RASAL2: variants seen among roughly 807,000 people sequenced by gnomAD.
RASAL2 encodes the protein ras GTPase-activating protein nGAP.
RASAL2 carries 58 observed loss-of-function variants against 128.9 expected under a neutral mutation model. The observed-to-expected ratio is 0.45, with a 90% confidence interval of 0.36 to 0.56. The LOEUF is 0.56. Among genes scored for constraint, RASAL2 ranks in the 20% least tolerant of loss-of-function variants. The probability of loss-of-function intolerance (pLI) is 0.00; values close to 1 mark genes in which losing one functional copy is unlikely to be tolerated. For synonymous variants in RASAL2, 561 were observed against 580.8 expected, an observed-to-expected ratio of 0.97 and a Z score of 0.49; for missense variants, 1,360 against 1,601.6, an observed-to-expected ratio of 0.85 and a Z score of 2.57.
intron 4 of RASAL2, among the ~76,000 whole-genome samples, chr1:178,390,569 G>A (rs1672844191): frequency 6.6e-6 from 1 of 151,964 alleles, no homozygotes; most frequent in Admixed American, 6.6e-5. Flanking sequence ...AGTAGAGGCG[G>A]GGTTTTACCA....
chr1:178,269,439 A>G (rs1367376438), intron 1 of RASAL2, among the ~76,000 whole-genome samples: 2 of 152,252 alleles, frequency 1.3e-5, no homozygotes, highest in African/African-American at 4.8e-5. Context: ...AACTGGGTAC[A>G]GTGAGGCTGA....
At chr1:178,412,962 TTTTCTTTCTTTC>T (rs557060349) in intron 4 of RASAL2, among the ~76,000 whole-genome samples, 1 of 151,974 alleles carries the variant, frequency 6.6e-6, no homozygotes, top group South Asian at 2.1e-4. Context: ...TTCTCTTTCT[TTTTCTTTCTTTC>T]TTTCTTTCTT....
At chr1:178,145,669 A>T (rs1660709866) in intron 1 of RASAL2, among the ~76,000 whole-genome samples, 1 of 152,214 alleles carries the variant, frequency 6.6e-6, no homozygotes, top group East Asian at 1.9e-4. Context: ...GACTGGAGAC[A>T]GGTAGGAACG....
chr1:178,240,494 T>C (rs1478086925), intron 1 of RASAL2, among the ~76,000 whole-genome samples: 1 of 151,988 alleles, frequency 6.6e-6, no homozygotes, highest in Non-Finnish European at 1.5e-5. Flanking sequence ...TTAGACTTTA[T>C]TTTAAATACA....
At chr1:178,382,056 A>G (rs1485516554) in intron 3 of RASAL2, among the ~76,000 whole-genome samples, 1 of 152,200 alleles carries the variant, frequency 6.6e-6, no homozygotes, top group Non-Finnish European at 1.5e-5. Context: ...CAAAACCTAA[A>G]ATATTAATGC....
At chr1:178,224,475 T>C (rs1333418404) in intron 1 of RASAL2, among the ~76,000 whole-genome samples, 1 of 152,144 alleles carries the variant, frequency 6.6e-6, no homozygotes, top group South Asian at 2.1e-4. Context: ...GGGAAGCATA[T>C]GTGCTCCAGT....
intron 3 of RASAL2, among the ~76,000 whole-genome samples, chr1:178,366,019 A>G (rs1671381154): frequency 6.6e-6 from 1 of 152,198 alleles, no homozygotes; most frequent in African/African-American, 2.4e-5. Flanking sequence ...ATAGTAGATT[A>G]TTCATGGAGT....
intron 1 of RASAL2, among the ~76,000 whole-genome samples, chr1:178,109,182 T>C (rs752518250): frequency 1.2e-4 from 18 of 152,350 alleles, no homozygotes; most frequent in Non-Finnish European, 2.4e-4. Flanking sequence ...GAATTCACTT[T>C]CACAGAAGCA....
intron 1 of RASAL2, among the ~76,000 whole-genome samples, chr1:178,131,042 G>A (rs1351837440): frequency 6.7e-6 from 1 of 148,840 alleles, no homozygotes; most frequent in African/African-American, 2.5e-5. Flanking sequence ...GTGAAAGAGC[G>A]AGACTCTGTC....
intron 1 of RASAL2, among the ~76,000 whole-genome samples, chr1:178,210,582 C>T (rs12047029): frequency 0.26 from 39,859 of 152,098 alleles, 5,923 homozygotes; most frequent in African/African-American, 0.41. Flanking sequence ...TCCTACTTTG[C>T]GGGAATGTTG....
chr1:178,163,899 A>G (rs1409697576), intron 1 of RASAL2, among the ~76,000 whole-genome samples: 1 of 152,218 alleles, frequency 6.6e-6, no homozygotes, highest in African/African-American at 2.4e-5. Context: ...CTAGTAATCC[A>G]TGAATGGGAT....
Position 178,390,205 on chromosome 1 carries a change from C to G in RASAL2, c.563C>G (p.Pro188Arg). ...GCAAATACCTCACCCTTCAAAGTAC[C>G]AGTAAGTGTTTATCTTCTTTATAAG... is the stretch of plus-strand genomic sequence containing the variant. ...DTANTSPFKV[P>R]GFFSKRLKGS... is the part of the protein sequence containing the mutation. The change falls in exon 4 of 18, where the codon CCA becomes CGA. Residue 188 changes from proline to arginine, a missense_variant and splice_region_variant. By Grantham distance (103) the Pro-to-Arg change is moderately radical. This residue lies in a region of RASAL2 where 617 missense variants were observed against 714.2 expected (regional missense o/e 0.86). Coordinates refer to ENST00000367649, the MANE Select transcript of RASAL2 (RefSeq NM_170692.4). The G allele has an allele frequency of 1.9e-6, 3 of 1,594,722 alleles. No individual in the cohort carries two copies. The highest frequency in any genetic ancestry group is 2.6e-6 in the Non-Finnish European group (3 of 1,164,380).
chr1:178,247,592 A>T (rs1205963990), intron 1 of RASAL2, among the ~76,000 whole-genome samples: 2 of 151,730 alleles, frequency 1.3e-5, no homozygotes, highest in Non-Finnish European at 2.9e-5. Context: ...GATCTTAGTT[A>T]TTTATTGCCT....
chr1:178,275,806 C>A (rs1666481867), intron 1 of RASAL2, among the ~76,000 whole-genome samples: 2 of 152,208 alleles, frequency 1.3e-5, no homozygotes, highest in Admixed American at 1.3e-4. Flanking sequence ...CTGCTCTCTC[C>A]TTCTCTTAAC....
chr1:178,197,197 C>T (rs2101958765), intron 1 of RASAL2, among the ~76,000 whole-genome samples: 1 of 152,156 alleles, frequency 6.6e-6, no homozygotes, highest in East Asian at 1.9e-4. Context: ...GTGGCTCACG[C>T]CTGTAATCCC....
chr1:178,173,842 AAGAG>A, intron 1 of RASAL2, among the ~76,000 whole-genome samples: 1 of 152,118 alleles, frequency 6.6e-6, no homozygotes, highest in Admixed American at 6.6e-5. Context: ...TTCACATGAC[AAGAG>A]AGGAATTTTA....
At chr1:178,280,578 G>A (rs1421488932) in intron 1 of RASAL2, among the ~76,000 whole-genome samples, 1 of 151,990 alleles carries the variant, frequency 6.6e-6, no homozygotes, top group Non-Finnish European at 1.5e-5. Flanking sequence ...CAAGAAAGTG[G>A]AGAATTGCTG....
chr1:178,154,618 A>G (rs139735748), intron 1 of RASAL2, among the ~76,000 whole-genome samples: 1,644 of 152,272 alleles, frequency 0.011, 13 homozygotes, highest in Non-Finnish European at 0.019. Context: ...ATGATATTAA[A>G]TCTGTTGTTT....
At chr1:178,277,680 T>A (rs761900363) in intron 1 of RASAL2, among the ~76,000 whole-genome samples, 2 of 152,234 alleles carry the variant, frequency 1.3e-5, no homozygotes, top group South Asian at 2.1e-4. Context: ...CAGTTCAGAC[T>A]TCTGCAGTTT....
Sources: allele counts gnomAD v4.1 joint callset (sites outside exome capture counted in the v4.1 genomes callset), GRCh38; gene constraint gnomAD v4.1.1; regional missense constraint gnomAD v4.1.1; transcripts MANE v1.5; gene names NCBI Gene and HGNC (gene_info 2026-07-23, HGNC 2026-07-21).